Variants in SYT9 observed in about 807,000 individuals in gnomAD.
The protein encoded by SYT9 is synaptotagmin-9.
A neutral mutation model predicts 48.4 loss-of-function variants in SYT9; 22 were observed. The observed-to-expected ratio is 0.45, with a 90% confidence interval of 0.32 to 0.65. SYT9 has a LOEUF of 0.65. Ranked by LOEUF, SYT9 falls within the 30% of genes least tolerant of loss-of-function variation. The pLI is 0.03. For synonymous variants in SYT9, 265 were observed against 245.0 expected, an observed-to-expected ratio of 1.08 and a Z score of -0.76; for missense variants, 577 against 622.0, an observed-to-expected ratio of 0.93 and a Z score of 0.77.
chr11:7,343,934 C>T (rs1209072155), intron 3 of SYT9, among the ~76,000 whole-genome samples: 1 of 152,148 alleles, frequency 6.6e-6, no homozygotes, highest in African/African-American at 2.4e-5. Flanking sequence ...ATAAAAACGT[C>T]ATATCTCATG....
intron 1 of SYT9, among the ~76,000 whole-genome samples, chr11:7,281,806 G>C (rs1265652611): frequency 3.9e-5 from 6 of 152,302 alleles, no homozygotes; most frequent in Admixed American, 3.9e-4. Context: ...TACTTCTAGT[G>C]CACAATTATT....
intron 3 of SYT9, among the ~76,000 whole-genome samples, chr11:7,328,848 AC>A (rs1196689622): frequency 2.6e-5 from 4 of 152,156 alleles, no homozygotes; most frequent in African/African-American, 9.7e-5. Flanking sequence ...ACTGAAAAAA[AC>A]ATAGGTATGC....
At chr11:7,382,729 T>C (rs1263532488) in intron 3 of SYT9, among the ~76,000 whole-genome samples, 1 of 152,232 alleles carries the variant, frequency 6.6e-6, no homozygotes, top group Non-Finnish European at 1.5e-5. Flanking sequence ...TGTTATCTTG[T>C]CCATTCCTAG....
At chr11:7,324,089 A>G (rs1223764855) in intron 3 of SYT9, among the ~76,000 whole-genome samples, 1 of 151,990 alleles carries the variant, frequency 6.6e-6, no homozygotes, top group African/African-American at 2.4e-5. Context: ...GGGGAAATTA[A>G]TTCAATTTAT....
chr11:7,321,857 C>G (rs1849343700), intron 3 of SYT9, among the ~76,000 whole-genome samples: 1 of 152,116 alleles, frequency 6.6e-6, no homozygotes, highest in Non-Finnish European at 1.5e-5. Context: ...GTGGTAACTT[C>G]TGGGTTGTTG....
chr11:7,414,627 C>T (rs1437409588), intron 3 of SYT9, among the ~76,000 whole-genome samples: 1 of 149,478 alleles, frequency 6.7e-6, no homozygotes, highest in Non-Finnish European at 1.5e-5. Context: ...GGTCATGGCT[C>T]CAGGAACCAG....
At chr11:7,242,779 G>T (rs1390805587) in intron 1 of SYT9, among the ~76,000 whole-genome samples, 5 of 152,162 alleles carry the variant, frequency 3.3e-5, no homozygotes, top group Non-Finnish European at 7.3e-5. Flanking sequence ...GGGTGAGGTG[G>T]CTTACACCTG....
intron 3 of SYT9, among the ~76,000 whole-genome samples, chr11:7,328,241 A>G (rs1354656626): frequency 6.6e-6 from 1 of 151,998 alleles, no homozygotes; most frequent in African/African-American, 2.4e-5. Context: ...TCTGAAAATC[A>G]TTGACTTCTA....
chr11:7,267,799 C>T (rs759313749), intron 1 of SYT9, among the ~76,000 whole-genome samples: 1 of 151,394 alleles, frequency 6.6e-6, no homozygotes, highest in South Asian at 2.1e-4. Flanking sequence ...TAAATAAAAC[C>T]CAGGTGTGTC....
intron 6 of SYT9, chr11:7,438,316 C>G (rs1847755173): frequency 6.6e-6 from 1 of 152,220 alleles, no homozygotes; most frequent in South Asian, 2.1e-4. Flanking sequence ...CGTGGCCCAG[C>G]TCTTCTCACA....
Position 7,303,477 on chromosome 11 carries a change from C to A in SYT9, c.497+87C>A, listed in dbSNP as rs933780884. On this transcript the variant is annotated intron_variant, in intron 2 of 6. Transcript: ENST00000318881. Reference sequence around the variant, plus strand: ...ACAATAGCACTGATAGGTCAAGGAGCCTGTAACCTTTTAGATTTCTGTTCT... The same window carrying A: ...ACAATAGCACTGATAGGTCAAGGAGACTGTAACCTTTTAGATTTCTGTTCT... The A allele has an allele frequency of 1.7e-5, 20 of 1,164,390 alleles. No individual in the cohort carries two copies. The African/African-American group carries it at 2.6e-4, about 15-fold the overall frequency. 72.1% of individuals were successfully genotyped at this position (1,164,390 alleles called of 1,614,324 possible). A position where few individuals can be genotyped will look rare whatever the true frequency, so the allele number is the denominator to read the frequency against.
At chr11:7,278,425 G>A (rs1235563172) in intron 1 of SYT9, among the ~76,000 whole-genome samples, 1 of 152,164 alleles carries the variant, frequency 6.6e-6, no homozygotes, top group Non-Finnish European at 1.5e-5. Context: ...CCAAACTGAG[G>A]TAAGTGAAGC....
chr11:7,424,738 C>A (rs1231404639), intron 6 of SYT9, among the ~76,000 whole-genome samples: 1 of 152,204 alleles, frequency 6.6e-6, no homozygotes, highest in African/African-American at 2.4e-5. Flanking sequence ...ATTCCAAACA[C>A]CAAAGTTCTA....
At position 7,388,351 on chromosome 11, in the gene SYT9, C is replaced by G. The variant is rs990526167; in HGVS notation, c.1045-27691C>G. On this transcript the variant is annotated intron_variant, in intron 3 of 6. Transcript: ENST00000318881. ...TGTGAAGTGGTGTTGTATTTTCAACCATGACATGGTTATTCGTGCCTTTTT... is the reference window on the plus strand; with the variant it reads ...TGTGAAGTGGTGTTGTATTTTCAACGATGACATGGTTATTCGTGCCTTTTT... Among the ~76,000 whole-genome samples the G allele has an allele frequency of 8.5e-5, 13 of 152,244 alleles. No homozygotes were observed. In the East Asian group the frequency reaches 2.5e-3, roughly 29 times the overall value.
chr11:7,433,556 C>T (rs1380510942), intron 6 of SYT9, among the ~76,000 whole-genome samples: 1 of 152,180 alleles, frequency 6.6e-6, no homozygotes, highest in African/African-American at 2.4e-5. Flanking sequence ...TGCTTGCATC[C>T]TCCCAAAATT....
upstream of SYT9, among the ~76,000 whole-genome samples, chr11:7,251,518 A>G (rs374174172): frequency 1.3e-4 from 20 of 152,296 alleles, no homozygotes; most frequent in East Asian, 3.9e-3. Context: ...CCCATGGTTC[A>G]AACCCAGGCG....
chr11:7,311,212 G>A (rs1295646469), intron 2 of SYT9, among the ~76,000 whole-genome samples: 1 of 152,188 alleles, frequency 6.6e-6, no homozygotes, highest in Non-Finnish European at 1.5e-5. Flanking sequence ...TGAGGTAGGA[G>A]AATTGCTTCA....
chr11:7,455,205 GAAA>G (rs11372744), intron 6 of SYT9, among the ~76,000 whole-genome samples: 6 of 150,622 alleles, frequency 4.0e-5, no homozygotes, highest in South Asian at 2.1e-4. Flanking sequence ...CTTTCACTGA[GAAA>G]AAAAAAGCAA....
intron 3 of SYT9, among the ~76,000 whole-genome samples, chr11:7,391,641 C>A (rs1846611919): frequency 6.7e-6 from 1 of 148,706 alleles, no homozygotes; most frequent in African/African-American, 2.5e-5. Flanking sequence ...TGGTGCATGC[C>A]TGTAATCCCA....
Sources: gnomAD v4.1 joint callset for allele counts (sites outside exome capture counted in the v4.1 genomes callset) on GRCh38, gnomAD v4.1.1 for gene constraint, MANE v1.5 for transcripts, NCBI Gene and HGNC (gene_info 2026-07-23, HGNC 2026-07-21) for gene names.